Variants in GKAP1 observed in about 807,000 individuals in gnomAD.
The protein encoded by GKAP1 is G kinase-anchoring protein 1.
In GKAP1, 31 loss-of-function variants were observed where a neutral mutation model predicts 56.7. The observed-to-expected ratio is 0.55, with a 90% CI of 0.41 to 0.74. The LOEUF (loss-of-function observed/expected upper bound fraction) is 0.74, where lower values mean the gene tolerates loss of function less well. GKAP1 is among the 30% of genes least tolerant of loss of function. The pLI is 0.00. For synonymous variants in GKAP1, 151 were observed against 138.6 expected, an observed-to-expected ratio of 1.09 and a Z score of -0.63; for missense variants, 364 against 402.3, an observed-to-expected ratio of 0.90 and a Z score of 0.82.
intron 9 of GKAP1, among the ~76,000 whole-genome samples, chr9:83,752,321 CAGG>C (rs1334837828): frequency 6.6e-6 from 1 of 152,082 alleles, no homozygotes; most frequent in Non-Finnish European, 1.5e-5. Context: ...GAGGCTGAGG[CAGG>C]AGAAGTGCTT....
intron 10 of GKAP1, among the ~76,000 whole-genome samples, chr9:83,748,060 T>A (rs75996055): frequency 0.017 from 2,548 of 152,292 alleles, 64 homozygotes; most frequent in African/African-American, 0.059. Flanking sequence ...GATACAGGCA[T>A]ACAAAGTGTA....
chr9:83,794,679 A>G (rs1944214410), intron 4 of GKAP1, among the ~76,000 whole-genome samples: 1 of 152,230 alleles, frequency 6.6e-6, no homozygotes, highest in Non-Finnish European at 1.5e-5. Flanking sequence ...ACCCTTAAGA[A>G]GAGATTTTTC....
At chr9:83,756,842 A>C (rs1031382529) in intron 8 of GKAP1, among the ~76,000 whole-genome samples, 1 of 152,220 alleles carries the variant, frequency 6.6e-6, no homozygotes, top group Non-Finnish European at 1.5e-5. Flanking sequence ...CATTTTACTT[A>C]TCAGCAGTTC....
intron 4 of GKAP1, among the ~76,000 whole-genome samples, chr9:83,798,380 TTATC>T (rs1414738623): frequency 6.6e-5 from 10 of 152,312 alleles, no homozygotes; most frequent in African/African-American, 2.4e-4. Flanking sequence ...TCTTAATGAG[TTATC>T]TATTTTATTT....
At chr9:83,753,013 T>A (rs1587692975) in intron 9 of GKAP1, among the ~76,000 whole-genome samples, 1 of 151,710 alleles carries the variant, frequency 6.6e-6, no homozygotes, top group Admixed American at 6.6e-5. Flanking sequence ...CGAGCTGAGA[T>A]CACTCCATTG....
At position 83,768,863 on chromosome 9, in the gene GKAP1, T is replaced by C. The variant is rs188318327; in HGVS notation, c.693A>G (p.Thr231=). 7 of 1,612,800 alleles carry C rather than the reference T, an allele frequency of 4.3e-6. No individual in the cohort carries two copies. In the East Asian group the frequency reaches 1.6e-4, roughly 36 times the overall value. The change falls in exon 8 of 13, where the codon ACA becomes ACG. Residue 231 remains threonine, a synonymous_variant. Transcript: ENST00000376371. ...TACAATTATCTGTTCCATTATATTCTGTAAGCTGTTCTCTTCGTTTTTCTC... is the reference window on the plus strand; with the variant it reads ...TACAATTATCTGTTCCATTATATTCCGTAAGCTGTTCTCTTCGTTTTTCTC... The part of the protein sequence containing the change: ...LIREKRREQL[T]EYNGTDNCTA...
At chr9:83,756,693 T>A (rs1943483785) in intron 8 of GKAP1, among the ~76,000 whole-genome samples, 1 of 152,064 alleles carries the variant, frequency 6.6e-6, no homozygotes, top group African/African-American at 2.4e-5. Flanking sequence ...ATCTGAAAAC[T>A]GGGGATGATA....
chr9:83,757,403 C>A (rs1425081556), intron 8 of GKAP1, among the ~76,000 whole-genome samples: 1 of 152,170 alleles, frequency 6.6e-6, no homozygotes, highest in Non-Finnish European at 1.5e-5. Flanking sequence ...CACATGCACA[C>A]ATAGAAACAA....
At chr9:83,742,960 C>T (rs1202590441) in intron 10 of GKAP1, among the ~76,000 whole-genome samples, 3 of 152,098 alleles carry the variant, frequency 2.0e-5, no homozygotes, top group Admixed American at 6.5e-5. Context: ...AGTTGGAGAC[C>T]AGCCTGGCCA....
chr9:83,803,486 C>T lies in GKAP1; in HGVS notation c.216+2816G>A, dbSNP rs1023446897. Among the ~76,000 whole-genome samples, 67 of 152,346 alleles carry T rather than the reference C, an allele frequency of 4.4e-4. 1 individual carries two copies. The highest frequency in any genetic ancestry group is 1.2e-3 in the African/African-American group (51 of 41,578). ...GCCGGGCTGGTCTCCAGCTCCTAGC[C>T]GCGAGTGATCCACCAGCCTCGGCCT... On this transcript the variant is annotated intron_variant, in intron 3 of 12. Coordinates refer to ENST00000376371, the MANE Select transcript of GKAP1 (RefSeq NM_025211.4).
At chr9:83,814,481 A>G (rs1944555184) in intron 2 of GKAP1, among the ~76,000 whole-genome samples, 2 of 152,164 alleles carry the variant, frequency 1.3e-5, no homozygotes, top group Admixed American at 1.3e-4. Flanking sequence ...TAATATTTCC[A>G]TACTTTAAAC....
At position 83,742,754 on chromosome 9, in the gene GKAP1, T is replaced by C. The variant is rs1175773885; in HGVS notation, c.905-154A>G. Among the ~76,000 whole-genome samples, 3 of 152,262 alleles carry C rather than the reference T, an allele frequency of 2.0e-5. No individual in the cohort carries two copies. The East Asian group carries it at 5.8e-4, about 29-fold the overall frequency. On this transcript the variant is annotated intron_variant, in intron 10 of 12. Transcript: ENST00000376371. Reference sequence around the variant, plus strand: ...TCTTGACCTTGCATAGCTCTTACTTTTCACTGGTAAATTCTTTTTTGTTTG... The same window carrying C: ...TCTTGACCTTGCATAGCTCTTACTTCTCACTGGTAAATTCTTTTTTGTTTG...
intron 9 of GKAP1, among the ~76,000 whole-genome samples, chr9:83,752,613 A>G (rs1399049015): frequency 1.3e-5 from 2 of 152,126 alleles, no homozygotes; most frequent in African/African-American, 2.4e-5. Flanking sequence ...ATGATGAAAA[A>G]GTTCTGGAAA....
At chr9:83,780,555 T>C in intron 6 of GKAP1, 151 bp from the exon 7 acceptor site, 1 of 496,642 alleles carries the variant, frequency 2.0e-6, no homozygotes, top group Non-Finnish European at 3.6e-6. Context: ...AGGATTCTCA[T>C]CTGATTTACT....
At chr9:83,777,649 G>A (rs968292116) in intron 7 of GKAP1, among the ~76,000 whole-genome samples, 9 of 152,072 alleles carry the variant, frequency 5.9e-5, no homozygotes, top group African/African-American at 1.7e-4. Flanking sequence ...TCTGATTTAA[G>A]GGGAGGTAGG....
chr9:83,745,341 G>T (rs1489055286), intron 10 of GKAP1, among the ~76,000 whole-genome samples: 2 of 152,110 alleles, frequency 1.3e-5, no homozygotes, highest in African/African-American at 4.8e-5. Context: ...CATCTTGTGT[G>T]ATTTTGCAGA....
chr9:83,775,047 C>T (rs1182553490), intron 7 of GKAP1, among the ~76,000 whole-genome samples: 3 of 150,208 alleles, frequency 2.0e-5, no homozygotes, highest in Admixed American at 6.7e-5. Context: ...CTCACTCTGT[C>T]GCCCATGCTA....
At position 83,774,701 on chromosome 9, in the gene GKAP1, CCTT is replaced by C. The variant is rs1167628091; in HGVS notation, c.585+5678_585+5680del. Among the ~76,000 whole-genome samples, 7 of 100,970 alleles carry C rather than the reference CCTT, an allele frequency of 6.9e-5. 1 individual carries two copies. The highest frequency in any genetic ancestry group is 1.7e-4 in the African/African-American group (5 of 30,062). The allele number at this position is 100,970 out of a possible 152,430, so 66.2% of individuals were successfully genotyped here. ...AGAAACTATCAATAAACAGAAACCC[CCTT>C]TTTTTTTTTTTTTTTTTTTTTTTTG... On this transcript the variant is annotated intron_variant, in intron 7 of 12. Coordinates refer to ENST00000376371, the MANE Select transcript of GKAP1 (RefSeq NM_025211.4).
At chr9:83,797,174 A>C (rs531670247) in intron 4 of GKAP1, among the ~76,000 whole-genome samples, 71 of 152,244 alleles carry the variant, frequency 4.7e-4, no homozygotes, top group African/African-American at 1.5e-3. Context: ...GTAAATTTGC[A>C]TTATCTATAT....
Sources: allele counts gnomAD v4.1 joint callset (sites outside exome capture counted in the v4.1 genomes callset), GRCh38; gene constraint gnomAD v4.1.1; transcripts MANE v1.5; gene names NCBI Gene and HGNC (gene_info 2026-07-23, HGNC 2026-07-21).